The following BCAS3 variants were observed in gnomAD, a reference collection of about 807,000 sequenced individuals.
The protein encoded by BCAS3 is BCAS4/BCAS3 fusion.
Under a neutral mutation model 116.1 loss-of-function variants are expected in BCAS3, and 53 were observed. The ratio of observed to expected loss-of-function variants is 0.46; its 90% CI spans 0.37 to 0.57. The LOEUF (loss-of-function observed/expected upper bound fraction) is 0.57, where lower values mean the gene tolerates loss of function less well. Ranked by LOEUF, BCAS3 falls within the 20% of genes least tolerant of loss-of-function variation. The probability of loss-of-function intolerance (pLI) is 0.00; values close to 1 mark genes in which losing one functional copy is unlikely to be tolerated. For synonymous variants in BCAS3, 391 were observed against 408.2 expected (o/e 0.96, Z 0.51); for missense variants, 917 against 1,165.4 (o/e 0.79, Z 3.10).
At position 61,180,989 on chromosome 17, in the gene BCAS3, G is replaced by T. The variant is rs904731523; in HGVS notation, c.2425+96425G>T. Among the ~76,000 whole-genome samples, 11 of 152,050 alleles carry T rather than the reference G, an allele frequency of 7.2e-5. No individual in the cohort carries two copies. Among genetic ancestry groups the T allele is most frequent in the African/African-American group, 2.7e-4 (11 of 41,388 alleles). Reference sequence around the variant, plus strand: ...TCTTAGCACTTTGGGAGGCTGGGGTGGGGGGATCACTTGAGCCCAAGAGTT... The same window carrying T: ...TCTTAGCACTTTGGGAGGCTGGGGTTGGGGGATCACTTGAGCCCAAGAGTT... On this transcript the variant is annotated intron_variant, in intron 22 of 23. Coordinates refer to ENST00000407086, the MANE Select transcript of BCAS3 (RefSeq NM_017679.5). This position sits in a 1 kb window ranked among gnomAD's most constrained non-coding sequence, Gnocchi z 6.0.
chr17:61,097,430 G>T lies in BCAS3; in HGVS notation c.2425+12866G>T, dbSNP rs1158952633. On this transcript the variant is annotated intron_variant, in intron 22 of 23. Coordinates refer to ENST00000407086, the MANE Select transcript of BCAS3 (RefSeq NM_017679.5). This position sits in a 1 kb window ranked among gnomAD's most constrained non-coding sequence, Gnocchi z 4.0. ...CCTGACCTTGTGATCCGCCTGCCTCGGCCTCCCAAAGTGCTGGGATTAGCC... is the reference window on the plus strand; with the variant it reads ...CCTGACCTTGTGATCCGCCTGCCTCTGCCTCCCAAAGTGCTGGGATTAGCC... Among the ~76,000 whole-genome samples, 2 of 152,016 alleles carry T rather than the reference G, an allele frequency of 1.3e-5. No homozygotes were observed. Among genetic ancestry groups the T allele is most frequent in the Non-Finnish European group, 2.9e-5 (2 of 68,010 alleles).
chr17:60,863,844 ATACTT>A (rs2054368814), intron 7 of BCAS3, among the ~76,000 whole-genome samples: 1 of 151,862 alleles, frequency 6.6e-6, no homozygotes, highest in African/African-American at 2.4e-5. Flanking sequence ...TAATTAAAAA[ATACTT>A]TATTGCTAAA....
rs962555298 is a variant in BCAS3 at position 60,967,740 on chromosome 17, C to T, written c.1221+20388C>T. 6.6e-6 allele frequency among the ~76,000 whole-genome samples: 1 copy of T among 152,070 alleles called. No homozygotes were observed. Among genetic ancestry groups the T allele is most frequent in the Middle Eastern group, 3.4e-3 (1 of 294 alleles). On this transcript the variant is annotated intron_variant, in intron 14 of 23. Coordinates refer to ENST00000407086, the MANE Select transcript of BCAS3 (RefSeq NM_017679.5). This position sits in a 1 kb window ranked among gnomAD's most constrained non-coding sequence, Gnocchi z 4.7. ...TCCTTTTTGTTCTTTGTCCTTCTCCCACCACCCCCCACACCCCCAATTGTA... is the reference window on the plus strand; with the variant it reads ...TCCTTTTTGTTCTTTGTCCTTCTCCTACCACCCCCCACACCCCCAATTGTA...
At chr17:60,799,124 T>C (rs1281557194) in intron 6 of BCAS3, among the ~76,000 whole-genome samples, 1 of 152,314 alleles carries the variant, frequency 6.6e-6, no homozygotes, top group East Asian at 1.9e-4. Flanking sequence ...TCTTTTTACT[T>C]TTACTTTTTA....
At chr17:60,789,639 A>G (rs747623547) in intron 6 of BCAS3, among the ~76,000 whole-genome samples, 2 of 152,186 alleles carry the variant, frequency 1.3e-5, no homozygotes, top group Non-Finnish European at 2.9e-5. Flanking sequence ...ATTCTGTTAA[A>G]TGCTGTAGAA....
intron 22 of BCAS3, chr17:61,245,186 T>A (rs1264782942): frequency 6.6e-6 from 1 of 152,062 alleles, no homozygotes; most frequent in Non-Finnish European, 1.5e-5. Flanking sequence ...GAGTGCCCAG[T>A]GAAGGGGGAA....
intron 2 of BCAS3, among the ~76,000 whole-genome samples, chr17:60,683,505 CTTTTTTTTTTTTTTTTTTTT>C (rs138663451): frequency 1.1e-3 from 48 of 44,490 alleles, no homozygotes; most frequent in South Asian, 1.5e-3. Flanking sequence ...AAGAGTTAGC[CTTTTTTTTTTTTTTTTTTTT>C]TTTTTTTTTT....
Position 61,356,193 on chromosome 17 carries a change from C to T in BCAS3, c.2426-12134C>T, listed in dbSNP as rs532392006. Among the ~76,000 whole-genome samples the T allele has an allele frequency of 6.6e-6, 1 of 151,650 alleles. No individual in the cohort carries two copies. Among genetic ancestry groups the T allele is most frequent in the South Asian group, 2.1e-4 (1 of 4,804 alleles). On this transcript the variant is annotated intron_variant, in intron 22 of 23. Transcript: ENST00000407086. The surrounding 1 kb of genome is among the most constrained non-coding windows in gnomAD (Gnocchi z 5.4). ...TATTTTTGTAGAGACGGGGTTTCACCGTGTTGGCCAGGCTGGTCTCGAACT... is the reference window on the plus strand; with the variant it reads ...TATTTTTGTAGAGACGGGGTTTCACTGTGTTGGCCAGGCTGGTCTCGAACT...
rs2060095477 is a variant in BCAS3 at position 61,390,864 on chromosome 17, G to C, written c.2594-1113G>C. On this transcript the variant is annotated intron_variant, in intron 23 of 23. Transcript: ENST00000407086. The surrounding 1 kb of genome is among the most constrained non-coding windows in gnomAD (Gnocchi z 6.8). ...CTTTGAGGTCCTGCACTCCTGGGTG[G>C]ACAGGCCAGACTCCTTCAGTCACAG... 1 of 150,780 alleles carries C rather than the reference G, an allele frequency of 6.6e-6. No homozygotes were observed. 9.3% of individuals were successfully genotyped at this position (150,780 alleles called of 1,614,324 possible). A position where few individuals can be genotyped will look rare whatever the true frequency, so the allele number is the denominator to read the frequency against.
chr17:61,062,903 T>A (rs2070215480), intron 19 of BCAS3, among the ~76,000 whole-genome samples: 1 of 152,152 alleles, frequency 6.6e-6, no homozygotes, highest in African/African-American at 2.4e-5. Context: ...TGCCTCATGA[T>A]TTCCCATCAA....
chr17:60,835,849 A>G (rs2051325825), intron 7 of BCAS3, among the ~76,000 whole-genome samples: 1 of 152,128 alleles, frequency 6.6e-6, no homozygotes, highest in African/African-American at 2.4e-5. Context: ...CTTATTAGAA[A>G]AGCAAGATTC....
intron 6 of BCAS3, among the ~76,000 whole-genome samples, chr17:60,770,150 T>C (rs2044517484): frequency 6.6e-6 from 1 of 152,106 alleles, no homozygotes; most frequent in Non-Finnish European, 1.5e-5. Context: ...GTTCTCTCTC[T>C]GCAGCAATGC....
At chr17:60,820,968 C>T (rs775160516) in intron 7 of BCAS3, among the ~76,000 whole-genome samples, 81 of 151,872 alleles carry the variant, frequency 5.3e-4, no homozygotes, top group Non-Finnish European at 7.1e-4. Flanking sequence ...TTTTTTGAGA[C>T]GGAGTTTTGC....
At chr17:60,864,581 C>T (rs76662565) in intron 7 of BCAS3, among the ~76,000 whole-genome samples, 4,623 of 152,292 alleles carry the variant, frequency 0.03, 180 homozygotes, top group East Asian at 0.092. Context: ...ATCTAAACCA[C>T]TAAAACTTTC....
intron 23 of BCAS3, among the ~76,000 whole-genome samples, chr17:61,369,603 C>T (rs756508480): frequency 6.6e-6 from 1 of 152,200 alleles, no homozygotes; most frequent in South Asian, 2.1e-4. Context: ...ATCCCCATGC[C>T]GGTCCCTCCG....
Position 61,243,373 on chromosome 17 carries a change from C to T in BCAS3, c.2426-124954C>T, listed in dbSNP as rs1365360986. On this transcript the variant is annotated intron_variant, in intron 22 of 23. Transcript: ENST00000407086. This position sits in a 1 kb window ranked among gnomAD's most constrained non-coding sequence, Gnocchi z 5.6. ...ACTATATTTTCTTTATCCATTCATTCATGGATGGACATTTAGTTTGCTTCT... is the reference window on the plus strand; with the variant it reads ...ACTATATTTTCTTTATCCATTCATTTATGGATGGACATTTAGTTTGCTTCT... Among the ~76,000 whole-genome samples the T allele has an allele frequency of 6.6e-6, 1 of 152,150 alleles. No homozygotes were observed. Among genetic ancestry groups the T allele is most frequent in the Admixed American group, 6.5e-5 (1 of 15,278 alleles).
chr17:61,263,506 G>A (rs1003446237), intron 22 of BCAS3, among the ~76,000 whole-genome samples: 46 of 152,240 alleles, frequency 3.0e-4, no homozygotes, highest in African/African-American at 1.1e-3. Context: ...CCATGCAGAG[G>A]TCAGCCTCAT....
rs1568745295 is a variant in BCAS3 at position 61,282,436 on chromosome 17, G to T, written c.2426-85891G>T. Among the ~76,000 whole-genome samples, 1 of 152,294 alleles carries T rather than the reference G, an allele frequency of 6.6e-6. No homozygotes were observed. Among genetic ancestry groups the T allele is most frequent in the Admixed American group, 6.5e-5 (1 of 15,294 alleles). On this transcript the variant is annotated intron_variant, in intron 22 of 23. Transcript: ENST00000407086. The surrounding 1 kb of genome is among the most constrained non-coding windows in gnomAD (Gnocchi z 5.9). ...GTAGGATGGTTGGAAAAAGTGGGCA[G>T]GACATTTGCATAATATTCCAGGACA...
At chr17:60,691,508 T>C (rs963983081) in intron 4 of BCAS3, among the ~76,000 whole-genome samples, 3 of 152,206 alleles carry the variant, frequency 2.0e-5, no homozygotes, top group Admixed American at 2.0e-4. Flanking sequence ...TTAGCATCTT[T>C]TTATGTGCTT....
Sources: gnomAD v4.1 joint callset for allele counts (sites outside exome capture counted in the v4.1 genomes callset) on GRCh38, gnomAD v4.1.1 for gene constraint, Gnocchi (gnomAD v3.1) non-coding constraint, MANE v1.5 for transcripts, NCBI Gene and HGNC (gene_info 2026-07-23, HGNC 2026-07-21) for gene names.